The following PCDH11X variants were observed in gnomAD, a reference collection of about 807,000 sequenced individuals.
The protein encoded by PCDH11X is protocadherin 11 X-linked.
In PCDH11X, 18 loss-of-function variants were observed where a neutral mutation model predicts 53.3. That is an observed-to-expected ratio of 0.34 (90% CI 0.23 to 0.50). The LOEUF (loss-of-function observed/expected upper bound fraction) is 0.50, where lower values mean the gene tolerates loss of function less well. Ranked by LOEUF, PCDH11X falls within the 20% of genes least tolerant of loss-of-function variation. The probability of loss-of-function intolerance (pLI) is 0.98; values close to 1 mark genes in which losing one functional copy is unlikely to be tolerated. For synonymous variants in PCDH11X, 279 were observed against 393.3 expected, an observed-to-expected ratio of 0.71 and a Z score of 3.44; for missense variants, 570 against 1,032.4, an observed-to-expected ratio of 0.55 and a Z score of 6.14.
chrX:92,517,617 A>T (rs1342130514), intron 10 of PCDH11X, among the ~76,000 whole-genome samples: 2 of 111,267 alleles, frequency 1.8e-5, no homozygotes, highest in African/African-American at 6.5e-5. Flanking sequence ...TTGTGTCTTT[A>T]TTAAATTTTA....
intron 9 of PCDH11X, among the ~76,000 whole-genome samples, chrX:92,440,810 G>A (rs1459968320): frequency 1.8e-5 from 2 of 111,168 alleles, no homozygotes; most frequent in East Asian, 2.9e-4. Context: ...ACCCAAAAAT[G>A]TGGAAGCAAC....
chrX:92,599,188 G>T (rs187432134), intron 10 of PCDH11X, among the ~76,000 whole-genome samples: 6 of 111,593 alleles, frequency 5.4e-5, no homozygotes, highest in African/African-American at 1.3e-4. Context: ...ATAACTAAAA[G>T]AATATAATTA....
intron 9 of PCDH11X, among the ~76,000 whole-genome samples, chrX:92,412,048 A>G (rs1302109601): frequency 3.5e-5 from 3 of 86,104 alleles, no homozygotes; most frequent in Non-Finnish European, 6.6e-5. Flanking sequence ...GAGGAGGAAG[A>G]GGAAGAGGGG....
At chrX:92,518,918 A>C (rs1259691783) in intron 10 of PCDH11X, among the ~76,000 whole-genome samples, 1 of 108,257 alleles carries the variant, frequency 9.2e-6, no homozygotes, top group African/African-American at 3.4e-5. Context: ...CACCACACCC[A>C]GCTAATTTTT....
At chrX:92,582,081 CAG>C (rs1374476168) in intron 10 of PCDH11X, among the ~76,000 whole-genome samples, 1 of 92,143 alleles carries the variant, frequency 1.1e-5, no homozygotes, top group East Asian at 3.2e-4. Context: ...AAAAGGGAAA[CAG>C]AGAATAAAAG....
At chrX:92,287,706 C>T (rs191562071) in intron 8 of PCDH11X, among the ~76,000 whole-genome samples, 31 of 111,768 alleles carry the variant, frequency 2.8e-4, no homozygotes, top group African/African-American at 5.5e-4. Flanking sequence ...CTTTAGGCTT[C>T]GCACGCTAAT....
rs866605030 is a variant in PCDH11X, at chrX:92,148,069, T to C, written c.3034-53306T>C. Among the ~76,000 whole-genome samples, 18 of 8,540 alleles carry C rather than the reference T, an allele frequency of 2.1e-3. 1 individual carries two copies. The highest frequency in any genetic ancestry group is 8.0e-3 in the African/African-American group (15 of 1,886). 7.4% of individuals were successfully genotyped at this position (8,540 alleles called of 115,157 possible). On this transcript the variant is annotated intron_variant, in intron 6 of 10. Coordinates refer to ENST00000682573, the MANE Select transcript of PCDH11X (RefSeq NM_032968.5). ...TCCTTCCTTCCTTCCTTTCTTTCTT[T>C]CTTTCTTTCTTTCTTTCTTTCTTTC... is the stretch of plus-strand genomic sequence containing the variant.
At chrX:92,491,698 G>A (rs186508559) in intron 10 of PCDH11X, among the ~76,000 whole-genome samples, 2 of 111,008 alleles carry the variant, frequency 1.8e-5, no homozygotes, top group East Asian at 2.9e-4. Flanking sequence ...CTACATAGCT[G>A]CAACTTTTTA....
At position 91,877,643 on chromosome X, in the gene PCDH11X, A is replaced by T; in HGVS notation, c.1403A>T (p.Gln468Leu). 2 of 1,210,659 alleles carry T rather than the reference A, an allele frequency of 1.7e-6. No individual in the cohort carries two copies. The highest frequency in any genetic ancestry group is 3.0e-5 in the East Asian group (1 of 33,745). ...AATGACAATGCTCCAGTTTTCACCCAGTCTTTCGTAACTGTTTCTATTCCT... is the reference window on the plus strand; with the variant it reads ...AATGACAATGCTCCAGTTTTCACCCTGTCTTTCGTAACTGTTTCTATTCCT... ...DENDNAPVFT[Q>L]SFVTVSIPEN... is the part of the protein sequence containing the mutation. The change falls in exon 6 of 11, where the codon CAG becomes CTG. Residue 468 changes from glutamine to leucine, a missense_variant. Coordinates refer to ENST00000682573, the MANE Select transcript of PCDH11X (RefSeq NM_032968.5).
At chrX:92,577,190 G>A (rs1464536444) in intron 10 of PCDH11X, among the ~76,000 whole-genome samples, 3 of 110,279 alleles carry the variant, frequency 2.7e-5, no homozygotes. Flanking sequence ...TTTTTTGGTT[G>A]GTAGGTTATT....
intron 8 of PCDH11X, among the ~76,000 whole-genome samples, chrX:92,319,452 TG>T (rs1293647576): frequency 2.7e-5 from 3 of 112,669 alleles, no homozygotes; most frequent in African/African-American, 9.7e-5. Context: ...TTCTAATACC[TG>T]GTCTTCTACT....
chrX:91,980,953 A>C (rs1602610449), intron 6 of PCDH11X, among the ~76,000 whole-genome samples: 2 of 93,734 alleles, frequency 2.1e-5, no homozygotes, highest in African/African-American at 8.5e-5. Context: ...TATTTTATAT[A>C]TGTATATATA....
At chrX:91,899,263 G>C (rs190924971) in intron 6 of PCDH11X, among the ~76,000 whole-genome samples, 1 of 110,657 alleles carries the variant, frequency 9.0e-6, no homozygotes, top group Non-Finnish European at 1.9e-5. Flanking sequence ...CTTGAAGTCC[G>C]ATGTTTGAGG....
At chrX:92,460,075 G>C (rs1391325853) in intron 9 of PCDH11X, 1 of 980,651 alleles carries the variant, frequency 1.0e-6, no homozygotes, top group East Asian at 3.0e-5. Context: ...GGACCTGAGG[G>C]CTCAGATCTT....
At chrX:91,851,833 C>A (rs1447339356) in intron 5 of PCDH11X, among the ~76,000 whole-genome samples, 1 of 110,384 alleles carries the variant, frequency 9.1e-6, no homozygotes, top group African/African-American at 3.3e-5. Flanking sequence ...AGCTTTCAGG[C>A]CCTACTTCCA....
intron 9 of PCDH11X, among the ~76,000 whole-genome samples, chrX:92,453,756 T>G (rs1228166189): frequency 1.8e-5 from 2 of 111,307 alleles, no homozygotes; most frequent in Non-Finnish European, 3.8e-5. Flanking sequence ...AATACCTACA[T>G]TCTTAAAAGT....
chrX:92,488,454 C>T (rs2073690312), intron 10 of PCDH11X, among the ~76,000 whole-genome samples: 1 of 110,184 alleles, frequency 9.1e-6, no homozygotes, highest in Non-Finnish European at 1.9e-5. Flanking sequence ...TGTCTATTCC[C>T]TTAGTAAAGT....
intron 8 of PCDH11X, among the ~76,000 whole-genome samples, chrX:92,327,265 G>A (rs1277225328): frequency 3.9e-5 from 4 of 103,503 alleles, no homozygotes; most frequent in Non-Finnish European, 5.9e-5. Flanking sequence ...TGAGATACAA[G>A]ATTGAATGTG....
chrX:91,822,131 T>G (rs1936711988), intron 4 of PCDH11X, among the ~76,000 whole-genome samples: 1 of 110,270 alleles, frequency 9.1e-6, no homozygotes, highest in Non-Finnish European at 1.9e-5. Flanking sequence ...TGGTCTAAAA[T>G]TCTCTTTTTT....
Sources: allele counts gnomAD v4.1 joint callset (sites outside exome capture counted in the v4.1 genomes callset), GRCh38; gene constraint gnomAD v4.1.1; transcripts MANE v1.5; gene names NCBI Gene and HGNC (gene_info 2026-07-23, HGNC 2026-07-21).